PPP3R1: variants seen among roughly 807,000 people sequenced by gnomAD.
The protein encoded by PPP3R1 is calcineurin subunit B type 1.
Under a neutral mutation model 22.6 loss-of-function variants are expected in PPP3R1, and 5 were observed. The ratio of observed to expected loss-of-function variants is 0.22; its 90% confidence interval spans 0.12 to 0.46. The LOEUF is 0.46. Ranked by LOEUF, PPP3R1 falls within the 20% of genes least tolerant of loss-of-function variation. The pLI is 0.99. For synonymous variants in PPP3R1, 56 were observed against 65.2 expected (o/e 0.86, Z 0.68); for missense variants, 61 against 203.2 (o/e 0.30, Z 4.25).
At chr2:68,194,929 A>G (rs1378817245) in intron 2 of PPP3R1, among the ~76,000 whole-genome samples, 1 of 152,164 alleles carries the variant, frequency 6.6e-6, no homozygotes, top group African/African-American at 2.4e-5. Flanking sequence ...AAACAAAGCA[A>G]GTATCTCTAA....
intron 1 of PPP3R1, among the ~76,000 whole-genome samples, chr2:68,246,067 CTTTTTTTTTTT>C (rs746584723): frequency 1.4e-5 from 1 of 73,808 alleles, no homozygotes; most frequent in East Asian, 4.2e-4. Flanking sequence ...TTCTTTCTTT[CTTTTTTTTTTT>C]TTTTTTTTTT....
Position 68,243,247 on chromosome 2 carries a change from A to G in PPP3R1, c.3+8878T>C, listed in dbSNP as rs191329733. Reference sequence around the variant, plus strand: ...CATTTTAAATATTTCATAGTACAAGACTATAAAATCCAAAGACAAACCCAG... The same window carrying G: ...CATTTTAAATATTTCATAGTACAAGGCTATAAAATCCAAAGACAAACCCAG... On this transcript the variant is annotated intron_variant, in intron 1 of 5. Transcript: ENST00000234310. Among the ~76,000 whole-genome samples, 118 of 152,334 alleles carry G rather than the reference A, an allele frequency of 7.7e-4. No homozygotes were observed. The East Asian group carries it at 9.8e-3, about 13-fold the overall frequency.
In PPP3R1 at chr2:68,183,795, C is replaced by T. The variant is rs1480696060; in HGVS notation, c.465+2673G>A. Among the ~76,000 whole-genome samples, 4 of 152,118 alleles carry T rather than the reference C, an allele frequency of 2.6e-5. No individual in the cohort carries two copies. The East Asian group carries it at 7.7e-4, about 29-fold the overall frequency. The stretch of plus-strand genomic sequence containing the variant: ...ATATTCCATACACAGAGGTTTCCTT[C>T]AGTGTTTGGTGAGATCCTTGGCTTT... On this transcript the variant is annotated intron_variant, in intron 5 of 5. Coordinates refer to ENST00000234310, the MANE Select transcript of PPP3R1 (RefSeq NM_000945.4).
chr2:68,194,174 A>G (rs1405242906), intron 2 of PPP3R1, among the ~76,000 whole-genome samples: 1 of 152,148 alleles, frequency 6.6e-6, no homozygotes, highest in East Asian at 1.9e-4. Flanking sequence ...CTAAAATTTA[A>G]GCAAGGTGGC....
At chr2:68,181,714 T>C (rs1674407326) in intron 5 of PPP3R1, among the ~76,000 whole-genome samples, 1 of 152,090 alleles carries the variant, frequency 6.6e-6, no homozygotes, top group Admixed American at 6.6e-5. Context: ...CCTACTTCAG[T>C]AGTTTAATAT....
intron 5 of PPP3R1, among the ~76,000 whole-genome samples, 171 bp from the exon 6 acceptor site, chr2:68,181,181 A>G (rs1177204796): frequency 6.6e-6 from 1 of 152,170 alleles, no homozygotes; most frequent in African/African-American, 2.4e-5. Context: ...CAAGGTCAGG[A>G]GATCGAGACC....
At chr2:68,181,114 G>T in intron 5 of PPP3R1, 104 bp from the exon 6 acceptor site, 1 of 1,121,344 alleles carries the variant, frequency 8.9e-7, no homozygotes, top group East Asian at 2.6e-5. Flanking sequence ...AGGGGGCTGG[G>T]CGTGGTGGCT....
At chr2:68,232,120 T>TACACACACACAA (rs371099015) in intron 1 of PPP3R1, among the ~76,000 whole-genome samples, 1 of 44,320 alleles carries the variant, frequency 2.3e-5, no homozygotes, top group African/African-American at 1.2e-4. Context: ...TATATATATA[T>TACACACACACAA]ATATACACAC....
intron 2 of PPP3R1, among the ~76,000 whole-genome samples, chr2:68,197,824 T>C (rs955396735): frequency 6.6e-6 from 1 of 151,832 alleles, no homozygotes. Context: ...ATTAATGAAA[T>C]AGAATTTTTT....
In PPP3R1 at chr2:68,180,822, T is replaced by C. The variant is rs1206963938; in HGVS notation, c.*141A>G. ...GTTCAATAACACTTAGTTGGCTTCA[T>C]GAGGCTCATGTTGGAAAATGTGGCT... On this transcript the variant is annotated 3_prime_UTR_variant, in exon 6 of 6. Transcript: ENST00000234310. 3 of 812,332 alleles carry C rather than the reference T, an allele frequency of 3.7e-6. No homozygotes were observed. The African/African-American group carries it at 5.2e-5, about 14-fold the overall frequency. The allele number at this position is 812,332 out of a possible 1,614,324, so 50.3% of individuals were successfully genotyped here. A position where few individuals can be genotyped will look rare whatever the true frequency, so the allele number is the denominator to read the frequency against.
intron 1 of PPP3R1, among the ~76,000 whole-genome samples, chr2:68,223,705 A>G (rs903111630): frequency 6.6e-6 from 1 of 152,120 alleles, no homozygotes; most frequent in African/African-American, 2.4e-5. Flanking sequence ...CTATCTATAA[A>G]AGGTTATCTA....
intron 1 of PPP3R1, among the ~76,000 whole-genome samples, chr2:68,247,688 C>T (rs1004224965): frequency 2.6e-5 from 4 of 152,184 alleles, no homozygotes; most frequent in Non-Finnish European, 5.9e-5. Context: ...AGTAGGTGCT[C>T]AACAAATATT....
intron 1 of PPP3R1, among the ~76,000 whole-genome samples, chr2:68,220,859 A>G (rs1299306664): frequency 6.6e-6 from 1 of 152,208 alleles, no homozygotes; most frequent in Non-Finnish European, 1.5e-5. Context: ...ACACAGAAAC[A>G]GAATGTAGAG....
intron 2 of PPP3R1, among the ~76,000 whole-genome samples, chr2:68,216,641 G>A (rs1669585234): frequency 6.6e-6 from 1 of 152,060 alleles, no homozygotes; most frequent in Non-Finnish European, 1.5e-5. Context: ...CTGGGCCAAG[G>A]CAGATAAAAG....
At chr2:68,218,338 C>T (rs1669618128) in intron 1 of PPP3R1, among the ~76,000 whole-genome samples, 3 of 152,040 alleles carry the variant, frequency 2.0e-5, no homozygotes, top group Admixed American at 6.6e-5. Flanking sequence ...CAGTAAATTA[C>T]CACATTCAAT....
chr2:68,185,792 C>G (rs1240304581), intron 5 of PPP3R1, among the ~76,000 whole-genome samples: 3 of 151,566 alleles, frequency 2.0e-5, no homozygotes, highest in African/African-American at 7.3e-5. Flanking sequence ...ACCCATCTAA[C>G]TCTTCCAAAA....
intron 1 of PPP3R1, among the ~76,000 whole-genome samples, chr2:68,248,973 A>G (rs901821403): frequency 2.0e-5 from 3 of 152,198 alleles, no homozygotes; most frequent in Admixed American, 6.5e-5. Context: ...CACAACAGAG[A>G]GCACAACAAC....
In PPP3R1 at chr2:68,252,427, G is replaced by A. The variant is rs558484091; in HGVS notation, c.-300C>T. ...CAGAGAAGAAGAAAGGAGGGGGAGA[G>A]GGGGCGAAGACGGCCGGGAAACTCG... On this transcript the variant is annotated 5_prime_UTR_variant, in exon 1 of 6. Coordinates refer to ENST00000234310, the MANE Select transcript of PPP3R1 (RefSeq NM_000945.4). The A allele has an allele frequency of 4.0e-6, 4 of 994,518 alleles. No individual in the cohort carries two copies. The highest frequency in any genetic ancestry group is 4.7e-5 in the South Asian group (1 of 21,420). 61.6% of individuals were successfully genotyped at this position (994,518 alleles called of 1,614,324 possible).
chr2:68,183,919 A>G (rs1029433547), intron 5 of PPP3R1, among the ~76,000 whole-genome samples: 9 of 152,136 alleles, frequency 5.9e-5, no homozygotes, highest in African/African-American at 1.9e-4. Context: ...CTTTGGGGAG[A>G]TAAGATTTCC....
Sources: gnomAD v4.1 joint callset for allele counts (sites outside exome capture counted in the v4.1 genomes callset) on GRCh38, gnomAD v4.1.1 for gene constraint, MANE v1.5 for transcripts, NCBI Gene and HGNC (gene_info 2026-07-23, HGNC 2026-07-21) for gene names.